Variants in GBF1 observed in about 807,000 individuals in gnomAD.
GBF1 encodes golgi brefeldin A resistant guanine nucleotide exchange factor 1.
A neutral mutation model predicts 210.5 loss-of-function variants in GBF1; 114 were observed. The observed-to-expected ratio is 0.54, with a 90% CI of 0.47 to 0.63. The LOEUF is 0.63. Among genes scored for constraint, GBF1 ranks in the 30% least tolerant of loss-of-function variants. The pLI is 0.00. For missense variants in GBF1, 1,851 were observed against 2,357.7 expected (o/e 0.79, Z 4.45); for synonymous variants, 850 against 889.2 (o/e 0.96, Z 0.78).
chr10:102,352,566 G>A lies in GBF1; in HGVS notation c.584+48G>A, dbSNP rs767823624. On this transcript the variant is annotated intron_variant, in intron 7 of 39. Transcript: ENST00000369983. ...CAGCCCGGCTGCCCAGGCCTCTTGA[G>A]TCTGCCTGCTTCCACACAGCCACGT... The A allele has an allele frequency of 4.5e-6, 6 of 1,339,652 alleles. No individual in the cohort carries two copies. In the East Asian group the frequency reaches 6.9e-5, roughly 15 times the overall value. 83.0% of individuals were successfully genotyped at this position (1,339,652 alleles called of 1,614,324 possible).
chr10:102,340,832 A>G (rs973500579), intron 3 of GBF1, among the ~76,000 whole-genome samples: 5 of 152,250 alleles, frequency 3.3e-5, no homozygotes, highest in African/African-American at 1.2e-4. Flanking sequence ...AAAATAGATC[A>G]TAGGTGAAAA....
intron 4 of GBF1, among the ~76,000 whole-genome samples, chr10:102,349,441 A>G (rs2134723443): frequency 6.6e-6 from 1 of 152,310 alleles, no homozygotes; most frequent in East Asian, 1.9e-4. Flanking sequence ...CTGAGGCAGG[A>G]GAATTGCTTG....
intron 3 of GBF1, among the ~76,000 whole-genome samples, chr10:102,340,305 C>T (rs1313711388): frequency 7.5e-6 from 1 of 133,204 alleles, no homozygotes; most frequent in Non-Finnish European, 1.6e-5. Context: ...CAGAGTCTCG[C>T]TGTGTTGCCC....
intron 38 of GBF1, 131 bp from the exon 39 acceptor site, chr10:102,380,994 CAA>C (rs1294656802): frequency 1.1e-4 from 73 of 642,574 alleles, no homozygotes; most frequent in Non-Finnish European, 1.5e-4. Flanking sequence ...GATTCCATCT[CAA>C]AAAAAAAAAG....
Position 102,381,201 on chromosome 10 carries a change from A to G in GBF1, c.5248A>G (p.Arg1750Gly). ...AHLTSAAGDTRTPGHPPPPEI... is the reference protein window; with the variant it reads ...AHLTSAAGDTGTPGHPPPPEI... ...CCTGACTTCCGCTGCTGGCGACACT[A>G]GGACACCTGGCCATCCACCGCCCCC... is the stretch of plus-strand genomic sequence containing the variant. Residue 1750 changes from arginine (R) to glycine (G), a missense_variant, in exon 39 of 40, where the codon AGG (arginine) becomes GGG (glycine). This residue lies in a region of GBF1 where 967 missense variants were observed against 1,247.7 expected (regional missense o/e 0.78). Transcript: ENST00000369983. 5 of 1,613,986 alleles carry G rather than the reference A, an allele frequency of 3.1e-6. No homozygotes were observed. The highest frequency in any genetic ancestry group is 4.2e-6 in the Non-Finnish European group (5 of 1,179,944).
intron 3 of GBF1, among the ~76,000 whole-genome samples, chr10:102,273,118 G>A (rs1264234648): frequency 6.6e-6 from 1 of 152,164 alleles, no homozygotes; most frequent in Non-Finnish European, 1.5e-5. Context: ...TGAGATGGGT[G>A]CATCATGAGG....
upstream of GBF1, chr10:102,241,577 C>G (rs1030148147): frequency 6.6e-6 from 1 of 152,474 alleles, no homozygotes. The surrounding 1 kb of genome is among the most constrained non-coding windows in gnomAD (Gnocchi z 6.7). Context: ...CGCGGCGAGC[C>G]GCGCGCGTCA....
At chr10:102,243,674 A>G (rs1356114322), upstream of GBF1, among the ~76,000 whole-genome samples, 1 of 152,160 alleles carries the variant, frequency 6.6e-6, no homozygotes, top group African/African-American at 2.4e-5. Flanking sequence ...GCTTTGAGGT[A>G]ATGTGGAAAG....
intron 3 of GBF1, among the ~76,000 whole-genome samples, chr10:102,340,164 A>T (rs1589696198): frequency 6.6e-6 from 1 of 151,684 alleles, no homozygotes; most frequent in African/African-American, 2.4e-5. Context: ...CATGTTTGCC[A>T]GGCTGGTCTT....
At chr10:102,233,253 C>T in the GBF1 span, among the ~76,000 whole-genome samples, 4 of 150,764 alleles carry the variant, frequency 2.7e-5, no homozygotes, top group East Asian at 1.9e-4. Context: ...GCTAGGGCAG[C>T]GCTGCTTTGG....
At chr10:102,362,751 C>T (rs2059688643) in intron 15 of GBF1, 87 bp downstream of exon 15, 1 of 988,392 alleles carries the variant, frequency 1.0e-6, no homozygotes, top group Non-Finnish European at 1.5e-6. Context: ...GTCCCCATAT[C>T]ACTTCCCCTG....
Position 102,382,277 on chromosome 10 carries a change from G to A in GBF1, c.5524G>A (p.Val1842Met). 2 of 1,613,898 alleles carry A rather than the reference G, an allele frequency of 1.2e-6. No individual in the cohort carries two copies. Among genetic ancestry groups the A allele is most frequent in the Non-Finnish European group, 1.7e-6 (2 of 1,179,924 alleles). The change falls in exon 40 of 40, where the codon GTG (valine) becomes ATG (methionine). Residue 1842 changes from valine (V) to methionine (M), a missense_variant. By Grantham distance (21) the Val-to-Met change is conservative. Around this residue, in one of 3 missense-constraint regions of GBF1, gnomAD observed 967 missense variants for 1,247.7 expected, o/e 0.78. Transcript: ENST00000369983. The stretch of plus-strand genomic sequence containing the variant: ...TGCGCTCATCGAGGCCACCTCACCA[G>A]TGCCCCTCCTGGCCACACCCCGCCC... ...NPALIEATSP[V>M]PLLATPRPTD...
upstream of GBF1, among the ~76,000 whole-genome samples, chr10:102,241,043 A>G (rs564781569): frequency 6.6e-5 from 10 of 151,982 alleles, no homozygotes; most frequent in South Asian, 2.1e-3. The surrounding 1 kb of genome is among the most constrained non-coding windows in gnomAD (Gnocchi z 6.7). Context: ...CTTTCTGGTA[A>G]TGGTTTCCAG....
Position 102,382,567 on chromosome 10 carries a change from G to T in GBF1, c.*231G>T, listed in dbSNP as rs765220069. 31 of 479,438 alleles carry T rather than the reference G, an allele frequency of 6.5e-5. No individual in the cohort carries two copies. The highest frequency in any genetic ancestry group is 9.8e-5 in the African/African-American group (5 of 50,826). The allele number at this position is 479,438 out of a possible 1,614,324, so 29.7% of individuals were successfully genotyped here. A position where few individuals can be genotyped will look rare whatever the true frequency, so the allele number is the denominator to read the frequency against. On this transcript the variant is annotated 3_prime_UTR_variant, in exon 40 of 40. Coordinates refer to ENST00000369983, the MANE Select transcript of GBF1 (RefSeq NM_001377137.1). ...ATTCCTGGGGGTTCAGCCTGAGAGT[G>T]AACTCAGCTGTCATCTGCAGCCTCT...
rs371549029 is a variant in GBF1 at position 102,369,885 on chromosome 10, T to C, written c.3240T>C (p.Phe1080=). The C allele has an allele frequency of 3.7e-6, 6 of 1,614,002 alleles. No individual in the cohort carries two copies. Among genetic ancestry groups the C allele is most frequent in the Non-Finnish European group, 5.1e-6 (6 of 1,180,008 alleles). Residue 1080 remains phenylalanine, a synonymous_variant, in exon 26 of 40, where the codon TTT becomes TTC. Coordinates refer to ENST00000369983, the MANE Select transcript of GBF1 (RefSeq NM_001377137.1). The part of the protein sequence containing the change: ...SNRGESTVLS[F]VSWLTLSGPE... ...GAGGAGAGTCAACAGTGCTGAGCTTTGTGAGCTGGCTAACACTGAGTGGTC... is the reference window on the plus strand; with the variant it reads ...GAGGAGAGTCAACAGTGCTGAGCTTCGTGAGCTGGCTAACACTGAGTGGTC...
intron 33 of GBF1, among the ~76,000 whole-genome samples, chr10:102,378,457 T>C (rs1251267825): frequency 6.6e-6 from 1 of 150,550 alleles, no homozygotes; most frequent in Non-Finnish European, 1.5e-5. Flanking sequence ...ACCCTGCCTC[T>C]ACAAAAATAA....
chr10:102,348,176 A>G (rs182036440), intron 4 of GBF1, among the ~76,000 whole-genome samples: 8 of 152,316 alleles, frequency 5.3e-5, no homozygotes, highest in East Asian at 3.9e-4. Context: ...AGCTCCGGCA[A>G]TCTGCCCACC....
At chr10:102,287,341 T>C (rs1335139343) in intron 3 of GBF1, among the ~76,000 whole-genome samples, 1 of 132,190 alleles carries the variant, frequency 7.6e-6, no homozygotes, top group Non-Finnish European at 1.6e-5. Context: ...TTTATTTTAT[T>C]TTCTTTTTTT....
At chr10:102,376,485 G>A in intron 31 of GBF1, 53 bp downstream of exon 31, 1 of 1,611,762 alleles carries the variant, frequency 6.2e-7, no homozygotes, top group East Asian at 2.2e-5. Flanking sequence ...CCTGTGGGAA[G>A]AATTCCTGGT....
Sources: allele counts gnomAD v4.1 joint callset (sites outside exome capture counted in the v4.1 genomes callset), GRCh38; gene constraint gnomAD v4.1.1; regional missense constraint gnomAD v4.1.1; non-coding constraint Gnocchi (gnomAD v3.1); transcripts MANE v1.5; gene names NCBI Gene and HGNC (gene_info 2026-07-23, HGNC 2026-07-21).